The following RAB8A variants were observed in gnomAD, a reference collection of about 807,000 sequenced individuals.
The protein encoded by RAB8A is RAB8A, member RAS oncogene family.
Under a neutral mutation model 29.2 loss-of-function variants are expected in RAB8A, and 5 were observed. The observed-to-expected ratio is 0.17, with a 90% CI of 0.09 to 0.36. RAB8A has a LOEUF of 0.36. Among genes scored for constraint, RAB8A ranks in the 10% least tolerant of loss-of-function variants. The pLI, the probability that RAB8A is intolerant of heterozygous loss-of-function variation, is 1.00. For synonymous variants in RAB8A, 108 were observed against 99.9 expected, an observed-to-expected ratio of 1.08 and a Z score of -0.49; for missense variants, 171 against 272.2, an observed-to-expected ratio of 0.63 and a Z score of 2.62.
chr19:16,128,237 T>C, intron 6 of RAB8A, 146 bp downstream of exon 6: 3 of 853,022 alleles, frequency 3.5e-6, no homozygotes, highest in Non-Finnish European at 5.5e-6. Context: ...GAGGGACATT[T>C]CCTGGGCAGT....
intron 2 of RAB8A, among the ~76,000 whole-genome samples, chr19:16,120,886 C>T (rs562701610): frequency 1.3e-5 from 2 of 151,512 alleles, no homozygotes; most frequent in East Asian, 3.9e-4. Context: ...GCTGGGATTA[C>T]AGATGTAAGC....
In RAB8A at chr19:16,133,324, C is replaced by G. The variant is rs1017553520; in HGVS notation, c.*1020C>G. On this transcript the variant is annotated 3_prime_UTR_variant, in exon 8 of 8. Coordinates refer to ENST00000300935, the MANE Select transcript of RAB8A (RefSeq NM_005370.5). ...CCACGGCGGCAAGCTGACCGCACAGCAGTCTGGCTTGATTTTCAGCCGTCA... is the reference window on the plus strand; with the variant it reads ...CCACGGCGGCAAGCTGACCGCACAGGAGTCTGGCTTGATTTTCAGCCGTCA... 2 of 152,278 alleles carry G rather than the reference C, an allele frequency of 1.3e-5. No homozygotes were observed. The highest frequency in any genetic ancestry group is 4.8e-5 in the African/African-American group (2 of 41,460). The allele number at this position is 152,278 out of a possible 1,614,324, so 9.4% of individuals were successfully genotyped here.
Position 16,127,285 on chromosome 19 carries a change from G to A in RAB8A, c.325-152G>A. The A allele has an allele frequency of 2.3e-6, 1 of 431,772 alleles. No homozygotes were observed. The allele number at this position is 431,772 out of a possible 1,614,324, so 26.7% of individuals were successfully genotyped here. Reference sequence around the variant, plus strand: ...TGTGTGACATGGGGCCGGCTGCTTGGCCTCTCTGAGCTTCAGCTTGTCCCT... The same window carrying A: ...TGTGTGACATGGGGCCGGCTGCTTGACCTCTCTGAGCTTCAGCTTGTCCCT... On this transcript the variant is annotated intron_variant, in intron 4 of 7. Transcript: ENST00000300935. This position sits in a 1 kb window ranked among gnomAD's most constrained non-coding sequence, Gnocchi z 4.8.
At chr19:16,115,591 G>A (rs966141084) in intron 1 of RAB8A, among the ~76,000 whole-genome samples, 8 of 152,246 alleles carry the variant, frequency 5.3e-5, no homozygotes, top group South Asian at 4.2e-4. Flanking sequence ...GCTCAACACC[G>A]CGTAGACCCT....
In RAB8A at chr19:16,125,399, C is replaced by T. The variant is rs1353133617; in HGVS notation, c.247-71C>T. On this transcript the variant is annotated intron_variant, in intron 3 of 7. Transcript: ENST00000300935. This position sits in a 1 kb window ranked among gnomAD's most constrained non-coding sequence, Gnocchi z 5.0. The stretch of plus-strand genomic sequence containing the variant: ...GTGCTGGGCTCCCCACCACTGTTCT[C>T]TGGTGCCGCTGAGGCCTCCCTTCCA... The T allele has an allele frequency of 1.5e-6, 2 of 1,365,626 alleles. No individual in the cohort carries two copies. The highest frequency in any genetic ancestry group is 1.4e-5 in the African/African-American group (1 of 69,412). 84.6% of individuals were successfully genotyped at this position (1,365,626 alleles called of 1,614,324 possible). A position where few individuals can be genotyped will look rare whatever the true frequency, so the allele number is the denominator to read the frequency against.
rs565361478 is a variant in RAB8A, at chr19:16,127,422, C to T, written c.325-15C>T. The T allele has an allele frequency of 2.1e-6, 3 of 1,463,302 alleles. No homozygotes were observed. Among genetic ancestry groups the T allele is most frequent in the Non-Finnish European group, 9.1e-7 (1 of 1,103,324 alleles). The allele number at this position is 1,463,302 out of a possible 1,614,324, so 90.6% of individuals were successfully genotyped here. Reference sequence around the variant, plus strand: ...TCATCCGGTCTGATCCCCCGTCTGTCCCCCTCCCTCTCAGCACGCCTCTGC... The same window carrying T: ...TCATCCGGTCTGATCCCCCGTCTGTTCCCCTCCCTCTCAGCACGCCTCTGC... On this transcript the variant is annotated splice_polypyrimidine_tract_variant and intron_variant, in intron 4 of 7. Coordinates refer to ENST00000300935, the MANE Select transcript of RAB8A (RefSeq NM_005370.5). The surrounding 1 kb of genome is among the most constrained non-coding windows in gnomAD (Gnocchi z 4.8).
At chr19:16,114,245 G>A (rs535154340) in intron 1 of RAB8A, among the ~76,000 whole-genome samples, 78 of 152,064 alleles carry the variant, frequency 5.1e-4, no homozygotes, top group African/African-American at 1.9e-3. Flanking sequence ...TCCAGCCTGG[G>A]CAACAGAGCG....
At position 16,129,929 on chromosome 19, in the gene RAB8A, A is replaced by G. The variant is rs142838709; in HGVS notation, c.531+325A>G. Among the ~76,000 whole-genome samples the G allele has an allele frequency of 6.6e-3, 1,009 of 152,214 alleles. 8 individuals carry two copies. Among genetic ancestry groups the G allele is most frequent in the African/African-American group, 0.023 (951 of 41,532 alleles). ...GGACAGAGAGCCATGGCTCGGAGAA[A>G]AGCTTCCTAGGTCGCTTGGGCAGGG... On this transcript the variant is annotated intron_variant, in intron 7 of 7. Coordinates refer to ENST00000300935, the MANE Select transcript of RAB8A (RefSeq NM_005370.5).
In RAB8A at chr19:16,122,195, G is replaced by C. The variant is rs777064984; in HGVS notation, c.246+385G>C. The C allele has an allele frequency of 2.7e-4, 50 of 184,672 alleles. No individual in the cohort carries two copies. The highest frequency in any genetic ancestry group is 4.5e-4 in the Non-Finnish European group (39 of 87,500). The allele number at this position is 184,672 out of a possible 1,614,324, so 11.4% of individuals were successfully genotyped here. Reference sequence around the variant, plus strand: ...TACCAAAAGCTTGAAGATCTTCCAGGAGCTGACCTGCCCTGGGCTGTCGGC... The same window carrying C: ...TACCAAAAGCTTGAAGATCTTCCAGCAGCTGACCTGCCCTGGGCTGTCGGC... On this transcript the variant is annotated intron_variant, in intron 3 of 7. Coordinates refer to ENST00000300935, the MANE Select transcript of RAB8A (RefSeq NM_005370.5). The surrounding 1 kb of genome is among the most constrained non-coding windows in gnomAD (Gnocchi z 4.7).
intron 2 of RAB8A, among the ~76,000 whole-genome samples, chr19:16,121,007 C>G (rs1164098922): frequency 6.6e-6 from 1 of 151,258 alleles, no homozygotes; most frequent in East Asian, 1.9e-4. Flanking sequence ...GCCTCCACCT[C>G]CTGGGTTCCA....
chr19:16,127,320 C>A lies in RAB8A; in HGVS notation c.325-117C>A. The A allele has an allele frequency of 1.8e-6, 1 of 544,370 alleles. No homozygotes were observed. Among genetic ancestry groups the A allele is most frequent in the Non-Finnish European group, 2.9e-6 (1 of 339,614 alleles). 33.7% of individuals were successfully genotyped at this position (544,370 alleles called of 1,614,324 possible). On this transcript the variant is annotated intron_variant, in intron 4 of 7. Coordinates refer to ENST00000300935, the MANE Select transcript of RAB8A (RefSeq NM_005370.5). The surrounding 1 kb of genome is among the most constrained non-coding windows in gnomAD (Gnocchi z 4.8). The stretch of plus-strand genomic sequence containing the variant: ...GCTTCAGCTTGTCCCTTAGACCAGG[C>A]TGTACCTAGCAGTCCTGACCCCACC...
At chr19:16,116,560 G>A (rs2090846509) in intron 1 of RAB8A, among the ~76,000 whole-genome samples, 2 of 152,180 alleles carry the variant, frequency 1.3e-5, no homozygotes, top group African/African-American at 2.4e-5. Context: ...CACGCACGGT[G>A]GCACAGTGGC....
In RAB8A at chr19:16,125,683, G is replaced by A. The variant is rs2090897463; in HGVS notation, c.324+136G>A. ...ACAGCCTCCTAGTCAGGGACATGGT[G>A]GGAGCAGGGACTGAGATGCAAGCAG... On this transcript the variant is annotated intron_variant, in intron 4 of 7. Coordinates refer to ENST00000300935, the MANE Select transcript of RAB8A (RefSeq NM_005370.5). The surrounding 1 kb of genome is among the most constrained non-coding windows in gnomAD (Gnocchi z 5.0). The A allele has an allele frequency of 1.2e-6, 1 of 864,094 alleles. No homozygotes were observed. The highest frequency in any genetic ancestry group is 2.0e-5 in the Admixed American group (1 of 50,112). 53.5% of individuals were successfully genotyped at this position (864,094 alleles called of 1,614,324 possible).
Position 16,132,739 on chromosome 19 carries a change from C to T in RAB8A, c.*435C>T, listed in dbSNP as rs2090932933. On this transcript the variant is annotated 3_prime_UTR_variant, in exon 8 of 8. Transcript: ENST00000300935. This position sits in a 1 kb window ranked among gnomAD's most constrained non-coding sequence, Gnocchi z 5.6. ...AGAAGGCCAGCGGTGGTTCCAGGAG[C>T]AACAGCTCCCAAACCCTGAGCAAGG... 1 of 167,804 alleles carries T rather than the reference C, an allele frequency of 6.0e-6. No individual in the cohort carries two copies. Among genetic ancestry groups the T allele is most frequent in the African/African-American group, 2.4e-5 (1 of 41,632 alleles). The allele number at this position is 167,804 out of a possible 1,614,324, so 10.4% of individuals were successfully genotyped here. A position where few individuals can be genotyped will look rare whatever the true frequency, so the allele number is the denominator to read the frequency against.
At chr19:16,120,797 G>T (rs904802264) in intron 2 of RAB8A, among the ~76,000 whole-genome samples, 5 of 152,010 alleles carry the variant, frequency 3.3e-5, no homozygotes, top group African/African-American at 1.2e-4. Context: ...TTTTAGTAGA[G>T]ATGAGGTTTC....
intron 3 of RAB8A, among the ~76,000 whole-genome samples, chr19:16,123,508 G>A (rs1308913904): frequency 6.6e-6 from 1 of 152,220 alleles, no homozygotes; most frequent in East Asian, 1.9e-4. Flanking sequence ...TCAGGAGGGT[G>A]AGGCAGGAGA....
intron 6 of RAB8A, among the ~76,000 whole-genome samples, chr19:16,128,426 C>T (rs1424304724): frequency 3.3e-5 from 5 of 152,164 alleles, no homozygotes; most frequent in African/African-American, 1.2e-4. Flanking sequence ...CTCTCAGCCA[C>T]ACCACTCACC....
At chr19:16,129,696 CT>C in intron 7 of RAB8A, 92 bp downstream of exon 7, 1 of 1,263,686 alleles carries the variant, frequency 7.9e-7, no homozygotes, top group Non-Finnish European at 1.2e-6. Context: ...CTAGATCCTG[CT>C]TTTTAGGGCC....
intron 2 of RAB8A, among the ~76,000 whole-genome samples, chr19:16,120,609 C>CTT (rs372155452): frequency 2.9e-4 from 38 of 130,594 alleles, no homozygotes; most frequent in Non-Finnish European, 3.3e-4. Flanking sequence ...ACACGCCTGG[C>CTT]TTTTTTTTTT....
Sources: allele counts gnomAD v4.1 joint callset (sites outside exome capture counted in the v4.1 genomes callset), GRCh38; gene constraint gnomAD v4.1.1; non-coding constraint Gnocchi (gnomAD v3.1); transcripts MANE v1.5; gene names NCBI Gene and HGNC (gene_info 2026-07-23, HGNC 2026-07-21).